The following ABI1 variants were observed in gnomAD, a reference collection of about 807,000 sequenced individuals.
The protein encoded by ABI1 is Abelson interactor 1.
A neutral mutation model predicts 54.6 loss-of-function variants in ABI1; 14 were observed. That is an observed-to-expected ratio of 0.26 (90% CI 0.17 to 0.40). The LOEUF is 0.40. Ranked by LOEUF, ABI1 falls within the 10% of genes least tolerant of loss-of-function variation. ABI1 has a pLI of 1.00. For synonymous variants in ABI1, 194 were observed against 209.3 expected (o/e 0.93, Z 0.63); for missense variants, 443 against 598.3 (o/e 0.74, Z 2.71).
At chr10:26,848,348 T>C (rs929893878) in intron 1 of ABI1, among the ~76,000 whole-genome samples, 7 of 151,994 alleles carry the variant, frequency 4.6e-5, no homozygotes, top group Non-Finnish European at 4.4e-5. Flanking sequence ...GATTGTTATA[T>C]CATTTTAAAA....
intron 1 of ABI1, among the ~76,000 whole-genome samples, chr10:26,830,227 G>A (rs952517898): frequency 3.9e-5 from 6 of 152,116 alleles, no homozygotes; most frequent in African/African-American, 1.2e-4. Context: ...GAATATTTGA[G>A]TAGAAGGTCT....
At chr10:26,765,467 G>A in intron 6 of ABI1, 149 bp from the exon 7 acceptor site, 1 of 635,734 alleles carries the variant, frequency 1.6e-6, no homozygotes, top group Non-Finnish European at 2.7e-6. Context: ...AGCCCCCTTG[G>A]ATACCAAAAC....
At position 26,839,611 on chromosome 10, in the gene ABI1, A is replaced by G. The variant is rs536475940; in HGVS notation, c.118-16306T>C. The G allele has an allele frequency of 8.1e-5, 48 of 593,830 alleles. No homozygotes were observed. In the East Asian group the frequency reaches 1.3e-3, roughly 16 times the overall value. The allele number at this position is 593,830 out of a possible 1,614,324, so 36.8% of individuals were successfully genotyped here. ...GGTAGTTAACACTGTCACAATCAGCACCACCCTTAACTGACTTGAGAAAAA... is the reference window on the plus strand; with the variant it reads ...GGTAGTTAACACTGTCACAATCAGCGCCACCCTTAACTGACTTGAGAAAAA... On this transcript the variant is annotated intron_variant, in intron 1 of 10. Coordinates refer to ENST00000376140, the MANE Select transcript of ABI1 (RefSeq NM_001012750.3).
chr10:26,764,044 G>A (rs1041388368), intron 7 of ABI1: 30 of 1,074,772 alleles, frequency 2.8e-5, no homozygotes, highest in Admixed American at 5.5e-5. Context: ...ACAATGTATC[G>A]GGAAGAAAAA....
At chr10:26,774,778 G>A (rs988763511) in intron 3 of ABI1, among the ~76,000 whole-genome samples, 30 of 152,016 alleles carry the variant, frequency 2.0e-4, no homozygotes, top group East Asian at 1.4e-3. Context: ...TATGGCAATC[G>A]TAAGCATGAA....
At chr10:26,763,787 T>C in intron 7 of ABI1, 1 of 1,135,390 alleles carries the variant, frequency 8.8e-7, no homozygotes, top group Non-Finnish European at 1.3e-6. Flanking sequence ...TGCAACCTAA[T>C]AACTATAAAA....
intron 9 of ABI1, among the ~76,000 whole-genome samples, chr10:26,752,900 T>C (rs1837813993): frequency 1.3e-5 from 2 of 152,178 alleles, no homozygotes; most frequent in African/African-American, 2.4e-5. Flanking sequence ...AATGTTTTCA[T>C]ACAAATTGAT....
rs1588816001 is a variant in ABI1 at position 26,770,169 on chromosome 10, T to G, written c.578+76A>C. ...AGAGGGTAGTGTGGCATGGATCCCA[T>G]ACACTTACTTAAGTCACAGAAACAT... is the stretch of plus-strand genomic sequence containing the variant. On this transcript the variant is annotated intron_variant, in intron 5 of 10. Coordinates refer to ENST00000376140, the MANE Select transcript of ABI1 (RefSeq NM_001012750.3). 6 of 1,219,040 alleles carry G rather than the reference T, an allele frequency of 4.9e-6. No homozygotes were observed. In the East Asian group the frequency reaches 1.4e-4, roughly 28 times the overall value. 75.5% of individuals were successfully genotyped at this position (1,219,040 alleles called of 1,614,324 possible).
intron 2 of ABI1, among the ~76,000 whole-genome samples, chr10:26,794,610 C>CA (rs949731216): frequency 6.7e-6 from 1 of 150,012 alleles, no homozygotes; most frequent in Non-Finnish European, 1.5e-5. Context: ...TAAAAACAAG[C>CA]AAAAAAACAG....
At chr10:26,783,763 T>C (rs181912583) in intron 2 of ABI1, among the ~76,000 whole-genome samples, 46 of 152,336 alleles carry the variant, frequency 3.0e-4, no homozygotes, top group Admixed American at 1.7e-3. Context: ...GATCTGGATT[T>C]TCTTGCTGGA....
intron 2 of ABI1, among the ~76,000 whole-genome samples, chr10:26,778,006 T>G (rs1231446211): frequency 6.6e-6 from 1 of 151,998 alleles, no homozygotes; most frequent in African/African-American, 2.4e-5. Flanking sequence ...ATTTAATGGC[T>G]TTACAGAGTA....
chr10:26,786,719 T>C (rs1842775678), intron 2 of ABI1, among the ~76,000 whole-genome samples: 1 of 152,190 alleles, frequency 6.6e-6, no homozygotes, highest in Admixed American at 6.5e-5. Context: ...GAACACTCAT[T>C]CTCTGTCTCC....
In ABI1 at chr10:26,747,198, T is replaced by C. The variant is rs561862056; in HGVS notation, c.*1372A>G. ...AACTGTAATTTGAATTCCAAACAAATCCTCAATAACACAGAAACCCACACT... is the reference window on the plus strand; with the variant it reads ...AACTGTAATTTGAATTCCAAACAAACCCTCAATAACACAGAAACCCACACT... On this transcript the variant is annotated 3_prime_UTR_variant, in exon 11 of 11. Transcript: ENST00000376140. 3.6e-5 allele frequency: 8 copies of C among 224,840 alleles called. No homozygotes were observed. Among genetic ancestry groups the C allele is most frequent in the African/African-American group, 1.1e-4 (5 of 44,984 alleles). 13.9% of individuals were successfully genotyped at this position (224,840 alleles called of 1,614,324 possible). A position where few individuals can be genotyped will look rare whatever the true frequency, so the allele number is the denominator to read the frequency against.
At chr10:26,848,093 G>A (rs569057981) in intron 1 of ABI1, among the ~76,000 whole-genome samples, 66 of 151,794 alleles carry the variant, frequency 4.3e-4, no homozygotes, top group African/African-American at 1.5e-3. Context: ...CAGCTATTTG[G>A]GAGGCTGAGG....
Position 26,860,405 on chromosome 10 carries a change from G to T in ABI1, c.117+342C>A, listed in dbSNP as rs1304343792. On this transcript the variant is annotated intron_variant, in intron 1 of 10. Coordinates refer to ENST00000376140, the MANE Select transcript of ABI1 (RefSeq NM_001012750.3). The surrounding 1 kb of genome is among the most constrained non-coding windows in gnomAD (Gnocchi z 4.1). ...GGGACTCCAGCCCTGCGGACTGGAG[G>T]CTACCTGGGGGGCGCGCGACCCCGG... Among the ~76,000 whole-genome samples, 2 of 152,148 alleles carry T rather than the reference G, an allele frequency of 1.3e-5. No homozygotes were observed. Among genetic ancestry groups the T allele is most frequent in the African/African-American group, 2.4e-5 (1 of 41,450 alleles).
In ABI1 at chr10:26,820,902, T is replaced by G. The variant is rs567633281; in HGVS notation, c.285+2236A>C. 2.1e-4 allele frequency among the ~76,000 whole-genome samples: 32 copies of G among 152,094 alleles called. No homozygotes were observed. In the South Asian group the frequency reaches 6.0e-3, roughly 29 times the overall value. ...ACCTAAACACCTATGTTAGAAAAGATTAAGGGTCTCAAGTAAATTAAATGA... is the reference window on the plus strand; with the variant it reads ...ACCTAAACACCTATGTTAGAAAAGAGTAAGGGTCTCAAGTAAATTAAATGA... On this transcript the variant is annotated intron_variant, in intron 2 of 10. Transcript: ENST00000376140.
intron 1 of ABI1, among the ~76,000 whole-genome samples, chr10:26,843,284 C>T (rs1458782526): frequency 6.7e-6 from 1 of 150,244 alleles, no homozygotes; most frequent in Non-Finnish European, 1.5e-5. Flanking sequence ...GAAACCCTGT[C>T]TCCACTAAAA....
chr10:26,788,998 G>GA (rs943621367), intron 2 of ABI1: 411 of 137,932 alleles, frequency 3.0e-3, no homozygotes, highest in African/African-American at 5.4e-3. Flanking sequence ...ATTCATTTGA[G>GA]AAAAAAAAAA....
At chr10:26,761,657 T>TACAC (rs1288478465) in intron 7 of ABI1, among the ~76,000 whole-genome samples, 11 of 91,614 alleles carry the variant, frequency 1.2e-4, no homozygotes, top group Admixed American at 5.7e-4. Flanking sequence ...TATATATATA[T>TACAC]ATATACACAC....
Sources: gnomAD v4.1 joint callset for allele counts (sites outside exome capture counted in the v4.1 genomes callset) on GRCh38, gnomAD v4.1.1 for gene constraint, Gnocchi (gnomAD v3.1) non-coding constraint, MANE v1.5 for transcripts, NCBI Gene and HGNC (gene_info 2026-07-23, HGNC 2026-07-21) for gene names.